ALDOA: variants seen among roughly 807,000 people sequenced by gnomAD.
ALDOA encodes fructose-bisphosphate aldolase A.
ALDOA carries 26 observed loss-of-function variants against 43.9 expected under a neutral mutation model. The ratio of observed to expected loss-of-function variants is 0.59; its 90% CI spans 0.43 to 0.82. ALDOA has a LOEUF of 0.82. Among genes scored for constraint, ALDOA ranks in the 40% least tolerant of loss-of-function variants. The pLI, the probability that ALDOA is intolerant of heterozygous loss-of-function variation, is 0.00. For synonymous variants in ALDOA, 258 were observed against 222.6 expected, an observed-to-expected ratio of 1.16 and a Z score of -1.42; for missense variants, 498 against 549.5, an observed-to-expected ratio of 0.91 and a Z score of 0.94.
At chr16:30,068,746 G>A in intron 5 of ALDOA, 46 bp downstream of exon 5, 1 of 1,614,194 alleles carries the variant, frequency 6.2e-7, no homozygotes, top group Non-Finnish European at 8.5e-7. Flanking sequence ...ACCAGAGCAG[G>A]TTTGGGTGCT....
chr16:30,068,193 T>C (rs957213583), intron 4 of ALDOA: 1 of 302,554 alleles, frequency 3.3e-6, no homozygotes, highest in Non-Finnish European at 6.4e-6. Context: ...GCCTCCCGAG[T>C]AGCTGGGACT....
At chr16:30,069,069 C>A in intron 6 of ALDOA, 91 bp downstream of exon 6, 1 of 1,580,642 alleles carries the variant, frequency 6.3e-7, no homozygotes, top group South Asian at 1.1e-5. Flanking sequence ...TGCCTACCTC[C>A]CCAAAAGCAA....
Position 30,065,799 on chromosome 16 carries a change from T to G in ALDOA, c.-142T>G, listed in dbSNP as rs1223426940. ...CCGCCCCTTCCGAGGCTAAATCGGC[T>G]GCGTTCCTCTCGGAACGCGCCGCAG... is the stretch of plus-strand genomic sequence containing the variant. On this transcript the variant is annotated 5_prime_UTR_variant, in exon 1 of 10. Coordinates refer to ENST00000642816, the MANE Select transcript of ALDOA (RefSeq NM_001243177.4). The G allele has an allele frequency of 2.6e-5, 4 of 152,754 alleles. No homozygotes were observed. The highest frequency in any genetic ancestry group is 5.9e-5 in the Non-Finnish European group (4 of 68,120). 9.5% of individuals were successfully genotyped at this position (152,754 alleles called of 1,614,324 possible).
chr16:30,066,862 C>G, intron 1 of ALDOA, 23 bp from the exon 2 acceptor site: 2 of 1,544,712 alleles, frequency 1.3e-6, no homozygotes, highest in Non-Finnish European at 8.7e-7. Context: ...TTCTAAAATA[C>G]TCCGGTTCGG....
Position 30,067,636 on chromosome 16 carries a change from C to T in ALDOA, c.461C>T (p.Ser154Phe). The T allele has an allele frequency of 6.2e-7, 1 of 1,614,106 alleles. No individual in the cohort carries two copies. Among genetic ancestry groups the T allele is most frequent in the Non-Finnish European group, 8.5e-7 (1 of 1,180,024 alleles). The change falls in exon 4 of 10, where the codon TCC (serine) becomes TTC (phenylalanine). Residue 154 changes from serine (S) to phenylalanine (F), a missense_variant. Physicochemically the swap from Ser to Phe is radical, Grantham distance 155. Transcript: ENST00000642816. ...CGTCCCTTCCCCCAAGTTATCAAATCCAAGGGCGGTGTTGTGGGCATCAAG... is the reference window on the plus strand; with the variant it reads ...CGTCCCTTCCCCCAAGTTATCAAATTCAAGGGCGGTGTTGTGGGCATCAAG... ...DGRPFPQVIK[S>F]KGGVVGIKVD...
chr16:30,065,511 G>A (rs934988090), upstream of ALDOA, among the ~76,000 whole-genome samples: 2 of 152,200 alleles, frequency 1.3e-5, no homozygotes, highest in Non-Finnish European at 2.9e-5. Flanking sequence ...CCAGGCTGGG[G>A]GAAAGGAGCA....
In ALDOA at chr16:30,069,884, A is replaced by C; in HGVS notation, c.1016A>C (p.Asn339Thr). 6.2e-7 allele frequency: 1 copy of C among 1,613,926 alleles called. No individual in the cohort carries two copies. ...QSEEEASINL[N>T]AINKCPLLKP... ...GAGGAGGAGGCGTCCATCAACCTCAATGCCATTAACAAGTGCCCCCTGCTG... is the reference window on the plus strand; with the variant it reads ...GAGGAGGAGGCGTCCATCAACCTCACTGCCATTAACAAGTGCCCCCTGCTG... The change falls in exon 9 of 10, where the codon AAT becomes ACT. Residue 339 changes from asparagine (N) to threonine (T), a missense_variant. By Grantham distance (65) the Asn-to-Thr change is moderately conservative (BLOSUM62 0). Transcript: ENST00000642816.
chr16:30,068,329 G>C, intron 4 of ALDOA: 4 of 378,208 alleles, frequency 1.1e-5, no homozygotes, highest in Non-Finnish European at 1.5e-5. Flanking sequence ...CTCCCAAAGT[G>C]CTGGGATTAC....
chr16:30,068,359 C>T (rs1477979667), intron 4 of ALDOA: 8 of 424,704 alleles, frequency 1.9e-5, no homozygotes, highest in African/African-American at 8.1e-5. Flanking sequence ...CCACCATGCC[C>T]GGCTTAAGTA....
chr16:30,068,356 G>A (rs2072195138), intron 4 of ALDOA: 1 of 418,472 alleles, frequency 2.4e-6, no homozygotes, highest in South Asian at 2.0e-5. Context: ...GAGCCACCAT[G>A]CCCGGCTTAA....
Position 30,067,553 on chromosome 16 carries a change from C to T in ALDOA, c.378C>T (p.Pro126=), listed in dbSNP as rs1273496648. Residue 126 remains proline, a synonymous_variant, in exon 4 of 10, where the codon CCC becomes CCT. Transcript: ENST00000642816. ...TGACAGCTGACGACCGCGTGAACCCCTGCATTGGGGGTGTCATCCTCTTCC... is the reference window on the plus strand; with the variant it reads ...TGACAGCTGACGACCGCGTGAACCCTTGCATTGGGGGTGTCATCCTCTTCC... ...LLLTADDRVN[P]CIGGVILFHE... The T allele has an allele frequency of 1.9e-6, 3 of 1,613,998 alleles. No homozygotes were observed. The highest frequency in any genetic ancestry group is 1.7e-5 in the Admixed American group (1 of 60,000).
In ALDOA at chr16:30,065,864, T is replaced by C. The variant is rs991112834; in HGVS notation, c.-77T>C. 1 of 153,120 alleles carries C rather than the reference T, an allele frequency of 6.5e-6. No individual in the cohort carries two copies. The highest frequency in any genetic ancestry group is 1.5e-5 in the Non-Finnish European group (1 of 68,496). The allele number at this position is 153,120 out of a possible 1,614,324, so 9.5% of individuals were successfully genotyped here. Reference sequence around the variant, plus strand: ...ACGAGTCCCGCGTTCTCTCCTTGAATCCACTCGCCAGCCCGCCGCCCTCTG... The same window carrying C: ...ACGAGTCCCGCGTTCTCTCCTTGAACCCACTCGCCAGCCCGCCGCCCTCTG... On this transcript the variant is annotated 5_prime_UTR_variant, in exon 1 of 10. Transcript: ENST00000642816.
chr16:30,067,697 G>C, intron 4 of ALDOA, 36 bp downstream of exon 4: 1 of 1,611,356 alleles, frequency 6.2e-7, no homozygotes, highest in Non-Finnish European at 8.5e-7. Flanking sequence ...GGTTTGAGAT[G>C]GAAGTGGAGG....
chr16:30,066,737 C>T (rs2072119119), intron 1 of ALDOA, 148 bp from the exon 2 acceptor site: 1 of 849,860 alleles, frequency 1.2e-6, no homozygotes, highest in East Asian at 2.7e-5. Context: ...GAGCTGGGTT[C>T]TAATCTCAGA....
Position 30,070,212 on chromosome 16 carries a change from A to G in ALDOA, c.1257A>G (p.Ter419=), listed in dbSNP as rs1158197949. The G allele has an allele frequency of 1.2e-6, 2 of 1,613,950 alleles. No individual in the cohort carries two copies. The highest frequency in any genetic ancestry group is 2.7e-5 in the African/African-American group (2 of 74,906). The change falls in exon 10 of 10, where the codon TAA becomes TAG. Residue 419 remains the stop codon, a stop_retained_variant. Coordinates refer to ENST00000642816, the MANE Select transcript of ALDOA (RefSeq NM_001243177.4). ...ESLFVSNHAY[*] is the part of the protein sequence containing the mutation. ...TCTTCGTCTCTAACCACGCCTATTAAGCGGAGGTGTTCCCAGGCTGCCCCC... is the reference window on the plus strand; with the variant it reads ...TCTTCGTCTCTAACCACGCCTATTAGGCGGAGGTGTTCCCAGGCTGCCCCC...
rs760550827 is a variant in ALDOA at position 30,069,929 on chromosome 16, TCTC to T, written c.1064_1066del (p.Ser355del). The T allele has an allele frequency of 2.5e-6, 4 of 1,613,884 alleles. No individual in the cohort carries two copies. Among genetic ancestry groups the T allele is most frequent in the African/African-American group, 1.3e-5 (1 of 74,916 alleles). On this transcript the variant is annotated inframe_deletion, in exon 9 of 10. Transcript: ENST00000642816. ...CTGCTGAAGCCCTGGGCCCTGACCT[TCTC>T]CTACGGCCGAGCCCTGCAGGCCTCT... is the stretch of plus-strand genomic sequence containing the variant.
upstream of ALDOA, chr16:30,064,583 C>A (rs950116444): frequency 5.0e-6 from 2 of 398,382 alleles, no homozygotes; most frequent in African/African-American, 4.1e-5. Context: ...CCGGGCCCCA[C>A]GATAGTGTGA....
In ALDOA at chr16:30,067,042, C is replaced by T. The variant is rs1433792404; in HGVS notation, c.141+4C>T. On this transcript the variant is annotated splice_donor_region_variant and intron_variant, in intron 2 of 9. Transcript: ENST00000642816. Reference sequence around the variant, plus strand: ...GCACCAGACAGAGTTAGGAAAGGTACAGGGGCAGGCCTAGCAAAGGGAAGT... The same window carrying T: ...GCACCAGACAGAGTTAGGAAAGGTATAGGGGCAGGCCTAGCAAAGGGAAGT... The T allele has an allele frequency of 3.8e-6, 6 of 1,577,450 alleles. No homozygotes were observed. Among genetic ancestry groups the T allele is most frequent in the Non-Finnish European group, 5.2e-6 (6 of 1,162,604 alleles).
chr16:30,068,681 T>C lies in ALDOA; in HGVS notation c.522T>C (p.Asn174=). Residue 174 remains asparagine (N), a synonymous_variant, in exon 5 of 10, where the codon AAT becomes AAC. Transcript: ENST00000642816. ...GCGTGGTCCCCCTGGCAGGGACAAA[T>C]GGCGAGACTACCACCCAAGGTGAGA... ...DKGVVPLAGT[N]GETTTQGLDG... is the part of the protein sequence containing the mutation. The C allele has an allele frequency of 6.2e-7, 1 of 1,614,206 alleles. No individual in the cohort carries two copies. Among genetic ancestry groups the C allele is most frequent in the Non-Finnish European group, 8.5e-7 (1 of 1,180,044 alleles).
Sources: gnomAD v4.1 joint callset for allele counts (sites outside exome capture counted in the v4.1 genomes callset) on GRCh38, gnomAD v4.1.1 for gene constraint, MANE v1.5 for transcripts, NCBI Gene and HGNC (gene_info 2026-07-23, HGNC 2026-07-21) for gene names.